Variants in SNX9 observed in about 807,000 individuals in gnomAD.
The protein encoded by SNX9 is sorting nexin 9, also known as sorting nexin-9.
In SNX9, 44 loss-of-function variants were observed where a neutral mutation model predicts 89.4. That is an observed-to-expected ratio of 0.49 (90% CI 0.39 to 0.63). The LOEUF is 0.63. Ranked by LOEUF, SNX9 falls within the 30% of genes least tolerant of loss-of-function variation. The pLI is 0.00. For missense variants in SNX9, 578 were observed against 736.1 expected (o/e 0.79, Z 2.49); for synonymous variants, 236 against 247.8 (o/e 0.95, Z 0.45).
chr6:157,892,310 G>T (rs1215012832), intron 4 of SNX9, among the ~76,000 whole-genome samples: 1 of 152,170 alleles, frequency 6.6e-6, no homozygotes, highest in Non-Finnish European at 1.5e-5. Flanking sequence ...ATTGGTTACA[G>T]TTAAGAGGGG....
In SNX9 at chr6:157,942,778, G is replaced by A; in HGVS notation, c.1741-13G>A. On this transcript the variant is annotated splice_polypyrimidine_tract_variant and intron_variant, in intron 17 of 17. Coordinates refer to ENST00000392185, the MANE Select transcript of SNX9 (RefSeq NM_016224.5). ...TGATATCTCAACGTTGTTTTGTTTT[G>A]CTTTCTTGTCAGATTGCAGAAAAGC... The A allele has an allele frequency of 6.2e-7, 1 of 1,613,762 alleles. No individual in the cohort carries two copies. The highest frequency in any genetic ancestry group is 8.5e-7 in the Non-Finnish European group (1 of 1,179,886).
At chr6:157,856,575 G>A (rs56930644) in intron 1 of SNX9, among the ~76,000 whole-genome samples, 63 of 152,276 alleles carry the variant, frequency 4.1e-4, no homozygotes, top group African/African-American at 1.4e-3. Context: ...CATTTCTGCA[G>A]TTGGACTCAG....
intron 9 of SNX9, among the ~76,000 whole-genome samples, chr6:157,913,662 C>G (rs895085545): frequency 4.6e-5 from 7 of 152,188 alleles, no homozygotes; most frequent in Non-Finnish European, 7.3e-5. Context: ...CTGCCCATCC[C>G]CCTGGTCCTA....
intron 2 of SNX9, among the ~76,000 whole-genome samples, chr6:157,870,905 C>T (rs779954835): frequency 6.6e-6 from 1 of 152,198 alleles, no homozygotes; most frequent in Non-Finnish European, 1.5e-5. Flanking sequence ...ACCCCTCAGA[C>T]ACACTCACCT....
At chr6:157,857,210 G>A (rs957104776) in intron 1 of SNX9, among the ~76,000 whole-genome samples, 4 of 152,034 alleles carry the variant, frequency 2.6e-5, no homozygotes, top group African/African-American at 9.7e-5. Context: ...TCCACATTTG[G>A]ACAGCAAGCT....
chr6:157,912,523 A>G (rs993573249), intron 9 of SNX9, among the ~76,000 whole-genome samples: 2 of 152,240 alleles, frequency 1.3e-5, no homozygotes, highest in African/African-American at 2.4e-5. Flanking sequence ...TGATTCACTA[A>G]CTGGGATATG....
chr6:157,935,519 A>G (rs560711907), intron 13 of SNX9, among the ~76,000 whole-genome samples: 1 of 152,248 alleles, frequency 6.6e-6, no homozygotes, highest in Admixed American at 6.5e-5. Context: ...ACGAAAAGAA[A>G]GGTGCAGGGA....
chr6:157,916,256 G>A (rs778320491), intron 9 of SNX9, among the ~76,000 whole-genome samples: 7 of 152,030 alleles, frequency 4.6e-5, no homozygotes, highest in East Asian at 1.9e-4. Context: ...GGATGGTCTC[G>A]ATCTCCTGAC....
chr6:157,928,520 T>G, intron 11 of SNX9, 79 bp from the exon 12 acceptor site: 1 of 1,055,912 alleles, frequency 9.5e-7, no homozygotes, highest in Non-Finnish European at 1.4e-6. Flanking sequence ...CAAGTGTCTG[T>G]GGTTATATTT....
rs1781285070 is a variant in SNX9, at chr6:157,823,734, TG to T, written c.12+291del. Among the ~76,000 whole-genome samples the T allele has an allele frequency of 6.6e-6, 1 of 151,662 alleles. No homozygotes were observed. Among genetic ancestry groups the T allele is most frequent in the Non-Finnish European group, 1.5e-5 (1 of 67,864 alleles). On this transcript the variant is annotated intron_variant, in intron 1 of 17. Coordinates refer to ENST00000392185, the MANE Select transcript of SNX9 (RefSeq NM_016224.5). The surrounding 1 kb of genome is among the most constrained non-coding windows in gnomAD (Gnocchi z 4.6). ...GGTTTGGGAAGTTTGCACCTGAGCGTGGGCTGCGGCGGGCTCGCCGGGAGGG... is the reference window on the plus strand; with the variant it reads ...GGTTTGGGAAGTTTGCACCTGAGCGTGGCTGCGGCGGGCTCGCCGGGAGGG...
chr6:157,864,299 C>G (rs964244043), intron 1 of SNX9, among the ~76,000 whole-genome samples: 1 of 152,150 alleles, frequency 6.6e-6, no homozygotes. Flanking sequence ...CCTCCGTGAC[C>G]TAAACGCCCC....
intron 17 of SNX9, among the ~76,000 whole-genome samples, chr6:157,941,492 A>G (rs190187883): frequency 5.3e-4 from 81 of 152,272 alleles, no homozygotes; most frequent in Admixed American, 2.5e-3. Flanking sequence ...GAAAACTTAA[A>G]TTTTTCTTAC....
At chr6:157,897,073 T>C (rs1562609341) in intron 5 of SNX9, 75 bp downstream of exon 5, 3 of 1,413,384 alleles carry the variant, frequency 2.1e-6, no homozygotes, top group African/African-American at 2.9e-5. Flanking sequence ...CCGAACTGTT[T>C]TTGCTGTTCC....
At chr6:157,912,776 T>C (rs1320144513) in intron 9 of SNX9, among the ~76,000 whole-genome samples, 1 of 152,230 alleles carries the variant, frequency 6.6e-6, no homozygotes, top group Non-Finnish European at 1.5e-5. Context: ...ATGGAAATAA[T>C]ATTGAATGAA....
At chr6:157,926,835 A>G (rs1007810061) in intron 10 of SNX9, among the ~76,000 whole-genome samples, 1 of 150,758 alleles carries the variant, frequency 6.6e-6, no homozygotes, top group African/African-American at 2.4e-5. Context: ...CTGTTTTTAT[A>G]TAGGTAGCCA....
Position 157,834,149 on chromosome 6 carries a change from GGTTTTTTT to G in SNX9, c.12+10704_12+10711del, listed in dbSNP as rs1370584111. On this transcript the variant is annotated intron_variant, in intron 1 of 17. Coordinates refer to ENST00000392185, the MANE Select transcript of SNX9 (RefSeq NM_016224.5). The stretch of plus-strand genomic sequence containing the variant: ...GATCCTGCCATGTGGTGTCCACTGT[GGTTTTTTT>G]TTTTTTTTTTTTTTTTTTTTTTTTT... 4.1e-3 allele frequency among the ~76,000 whole-genome samples: 245 copies of G among 60,050 alleles called. 15 individuals carry two copies. The highest frequency in any genetic ancestry group is 0.01 in the African/African-American group (152 of 15,066). The allele number at this position is 60,050 out of a possible 152,430, so 39.4% of individuals were successfully genotyped here.
At chr6:157,832,435 G>C (rs571093384) in intron 1 of SNX9, among the ~76,000 whole-genome samples, 1 of 152,328 alleles carries the variant, frequency 6.6e-6, no homozygotes, top group African/African-American at 2.4e-5. Flanking sequence ...CAGGGGCACA[G>C]TGCAGGCTCC....
chr6:157,901,852 G>T lies in SNX9; in HGVS notation c.473-46G>T, dbSNP rs763006010. ...ATTAAGTAATTTCATTTTTATTTTGGTCTTTTTTTTTTTTTTAACTGATGA... is the reference window on the plus strand; with the variant it reads ...ATTAAGTAATTTCATTTTTATTTTGTTCTTTTTTTTTTTTTTAACTGATGA... On this transcript the variant is annotated intron_variant, in intron 5 of 17. Coordinates refer to ENST00000392185, the MANE Select transcript of SNX9 (RefSeq NM_016224.5). 6.5e-4 allele frequency: 976 copies of T among 1,497,780 alleles called. 1 individual carries two copies. The highest frequency in any genetic ancestry group is 7.9e-4 in the Non-Finnish European group (877 of 1,105,032). 92.8% of individuals were successfully genotyped at this position (1,497,780 alleles called of 1,614,324 possible). A position where few individuals can be genotyped will look rare whatever the true frequency, so the allele number is the denominator to read the frequency against.
intron 12 of SNX9, among the ~76,000 whole-genome samples, chr6:157,930,865 C>G (rs778773427): frequency 6.6e-6 from 1 of 152,224 alleles, no homozygotes; most frequent in Non-Finnish European, 1.5e-5. Flanking sequence ...TCTTGCAAGA[C>G]CATCATAACA....
Sources: gnomAD v4.1 joint callset for allele counts (sites outside exome capture counted in the v4.1 genomes callset) on GRCh38, gnomAD v4.1.1 for gene constraint, Gnocchi (gnomAD v3.1) non-coding constraint, MANE v1.5 for transcripts, NCBI Gene and HGNC (gene_info 2026-07-23, HGNC 2026-07-21) for gene names.